Variants in GRIA1 observed in about 807,000 individuals in gnomAD.
GRIA1 encodes glutamate ionotropic receptor AMPA type subunit 1.
In GRIA1, 31 loss-of-function variants were observed where a neutral mutation model predicts 99.2. That is an observed-to-expected ratio of 0.31 (90% CI 0.23 to 0.42). The LOEUF is 0.42. Among genes scored for constraint, GRIA1 ranks in the 10% least tolerant of loss-of-function variants. The pLI is 1.00. For missense variants in GRIA1, 782 were observed against 1,157.5 expected (o/e 0.68, Z 4.71); for synonymous variants, 438 against 432.4 (o/e 1.01, Z -0.16).
At chr5:153,534,503 A>G (rs1029929183) in intron 2 of GRIA1, among the ~76,000 whole-genome samples, 2 of 152,240 alleles carry the variant, frequency 1.3e-5, no homozygotes, top group Non-Finnish European at 2.9e-5. Flanking sequence ...AAAATCTTGC[A>G]TGTACAGTTT....
chr5:153,667,686 A>G (rs1402038948), intron 5 of GRIA1, among the ~76,000 whole-genome samples: 2 of 152,190 alleles, frequency 1.3e-5, no homozygotes, highest in East Asian at 3.8e-4. Context: ...AGCCTCAGAG[A>G]GGTTAAGTAA....
intron 2 of GRIA1, among the ~76,000 whole-genome samples, chr5:153,612,042 G>A (rs920397908): frequency 3.9e-5 from 6 of 152,224 alleles, no homozygotes; most frequent in African/African-American, 1.4e-4. Context: ...TAGGGAGAAT[G>A]CTTGCTTTGT....
intron 4 of GRIA1, 117 bp downstream of exon 4, chr5:153,650,631 G>A: frequency 1.2e-6 from 1 of 852,330 alleles, no homozygotes; most frequent in Non-Finnish European, 1.8e-6. Flanking sequence ...GACTAGGTGA[G>A]ACTAAAAGAC....
chr5:153,669,084 G>A (rs1014144115), intron 5 of GRIA1, among the ~76,000 whole-genome samples: 2 of 152,170 alleles, frequency 1.3e-5, no homozygotes, highest in African/African-American at 2.4e-5. Context: ...AGAAAATTAG[G>A]ATGGATACTC....
In GRIA1 at chr5:153,706,081, TCTC is replaced by T; in HGVS notation, c.1823+15_1823+17del. On this transcript the variant is annotated intron_variant, in intron 11 of 15. Transcript: ENST00000285900. ...CATTTCTCCCAGGTCAGTCAGCTCT[TCTC>T]AATCCCTTTGCCTAATGCTATGGTT... 1.2e-6 allele frequency: 2 copies of T among 1,613,126 alleles called. No homozygotes were observed. The highest frequency in any genetic ancestry group is 1.7e-6 in the Non-Finnish European group (2 of 1,179,216).
At chr5:153,599,590 T>C (rs761610597) in intron 2 of GRIA1, among the ~76,000 whole-genome samples, 5 of 152,224 alleles carry the variant, frequency 3.3e-5, no homozygotes, top group Non-Finnish European at 5.9e-5. Flanking sequence ...TGTAAATAGC[T>C]GCCACACTTT....
intron 4 of GRIA1, among the ~76,000 whole-genome samples, chr5:153,653,795 T>A (rs977673414): frequency 4.6e-5 from 7 of 152,240 alleles, no homozygotes; most frequent in Non-Finnish European, 1.0e-4. Context: ...GCTTGGCATA[T>A]AATTTATGTT....
At chr5:153,720,583 C>T (rs1329392834) in intron 11 of GRIA1, among the ~76,000 whole-genome samples, 1 of 152,136 alleles carries the variant, frequency 6.6e-6, no homozygotes, top group African/African-American at 2.4e-5. Context: ...GTTGCTGTGC[C>T]TTTGCATATC....
intron 5 of GRIA1, among the ~76,000 whole-genome samples, chr5:153,668,973 G>A (rs1178269584): frequency 6.6e-6 from 1 of 152,206 alleles, no homozygotes; most frequent in Non-Finnish European, 1.5e-5. Flanking sequence ...GAACACATTT[G>A]TGAAGAAGAC....
intron 7 of GRIA1, among the ~76,000 whole-genome samples, chr5:153,682,754 A>T (rs1757069048): frequency 6.6e-6 from 1 of 152,128 alleles, no homozygotes; most frequent in Non-Finnish European, 1.5e-5. Flanking sequence ...CCTCTGCAAG[A>T]CCCATTGCAG....
intron 2 of GRIA1, among the ~76,000 whole-genome samples, chr5:153,574,108 A>G (rs1762341624): frequency 6.6e-6 from 1 of 152,166 alleles, no homozygotes; most frequent in African/African-American, 2.4e-5. Flanking sequence ...GGAGACTTCA[A>G]CTTCAATTTC....
At chr5:153,628,126 A>G (rs1288829301) in intron 2 of GRIA1, among the ~76,000 whole-genome samples, 2 of 152,212 alleles carry the variant, frequency 1.3e-5, no homozygotes, top group African/African-American at 2.4e-5. Flanking sequence ...GCTAATAGCA[A>G]TACAAGCCAA....
intron 2 of GRIA1, among the ~76,000 whole-genome samples, chr5:153,520,058 T>C (rs1287121747): frequency 1.3e-5 from 2 of 152,122 alleles, no homozygotes; most frequent in African/African-American, 4.8e-5. Flanking sequence ...AGCTAATGTG[T>C]GTTAGGGAGC....
At chr5:153,666,919 C>T (rs562449701) in intron 5 of GRIA1, among the ~76,000 whole-genome samples, 1 of 152,308 alleles carries the variant, frequency 6.6e-6, no homozygotes, top group South Asian at 2.1e-4. Context: ...CCCATGACAA[C>T]CCTTCTGGGA....
intron 13 of GRIA1, among the ~76,000 whole-genome samples, chr5:153,793,189 GA>G (rs1336013551): frequency 3.3e-4 from 50 of 152,138 alleles, no homozygotes; most frequent in African/African-American, 1.1e-3. Flanking sequence ...TGAAAACAAT[GA>G]AAATAAAAAT....
intron 2 of GRIA1, among the ~76,000 whole-genome samples, chr5:153,635,931 G>T (rs1201209943): frequency 1.3e-5 from 2 of 152,180 alleles, no homozygotes; most frequent in Non-Finnish European, 2.9e-5. Context: ...AGAAGAGGAA[G>T]CCTGGAACTC....
chr5:153,492,838 A>G (rs1260748636), intron 1 of GRIA1, among the ~76,000 whole-genome samples: 1 of 152,232 alleles, frequency 6.6e-6, no homozygotes, highest in African/African-American at 2.4e-5. Context: ...TGCTGAAAAT[A>G]TCACTGCCAT....
chr5:153,524,085 T>C (rs1257174920), intron 2 of GRIA1, among the ~76,000 whole-genome samples: 1 of 152,204 alleles, frequency 6.6e-6, no homozygotes, highest in Admixed American at 6.5e-5. Context: ...CCCAGCACTT[T>C]GGGACGCTGA....
At chr5:153,598,948 C>T (rs537177408) in intron 2 of GRIA1, among the ~76,000 whole-genome samples, 1 of 152,198 alleles carries the variant, frequency 6.6e-6, no homozygotes, top group African/African-American at 2.4e-5. Context: ...GTGGCACAAT[C>T]TCGGCTCACC....
Sources: allele counts gnomAD v4.1 joint callset (sites outside exome capture counted in the v4.1 genomes callset), GRCh38; gene constraint gnomAD v4.1.1; transcripts MANE v1.5; gene names NCBI Gene and HGNC (gene_info 2026-07-23, HGNC 2026-07-21).